Variants in SERGEF observed in about 807,000 individuals in gnomAD.
SERGEF encodes secretion-regulating guanine nucleotide exchange factor.
Under a neutral mutation model 50.0 loss-of-function variants are expected in SERGEF, and 51 were observed. The observed-to-expected ratio is 1.02, with a 90% CI of 0.81 to 1.29. The LOEUF (loss-of-function observed/expected upper bound fraction) is 1.29. Ranked by LOEUF, SERGEF falls within the 50% of genes most tolerant of loss-of-function variation. The pLI, the probability that SERGEF is intolerant of heterozygous loss-of-function variation, is 0.00. For missense variants in SERGEF, 521 were observed against 557.0 expected, an observed-to-expected ratio of 0.94 and a Z score of 0.65; for synonymous variants, 205 against 212.4, an observed-to-expected ratio of 0.97 and a Z score of 0.30.
intron 10 of SERGEF, among the ~76,000 whole-genome samples, chr11:17,874,674 C>T (rs1565191873): frequency 2.6e-5 from 4 of 152,288 alleles, no homozygotes; most frequent in Admixed American, 2.6e-4. Context: ...GGGCCTGAGT[C>T]CCTGTCTGGG....
intron 9 of SERGEF, among the ~76,000 whole-genome samples, chr11:17,937,023 G>A (rs1221932885): frequency 1.3e-5 from 2 of 151,836 alleles, no homozygotes; most frequent in African/African-American, 2.4e-5. Flanking sequence ...AAAAACCTGG[G>A]AACAACCTAA....
chr11:17,989,240 G>A lies in SERGEF; in HGVS notation c.686-485C>T, dbSNP rs1293389915. Among the ~76,000 whole-genome samples, 7 of 152,096 alleles carry A rather than the reference G, an allele frequency of 4.6e-5. No homozygotes were observed. In the East Asian group the frequency reaches 1.2e-3, roughly 25 times the overall value. ...GCAGAAAATATAATGCTATAGAATC[G>A]CATCTGGATAGCACTTCAGTTTGTT... On this transcript the variant is annotated intron_variant, in intron 7 of 10. Coordinates refer to ENST00000265965, the MANE Select transcript of SERGEF (RefSeq NM_012139.4).
intron 9 of SERGEF, among the ~76,000 whole-genome samples, chr11:17,945,727 A>G (rs1852645705): frequency 6.6e-6 from 1 of 152,162 alleles, no homozygotes; most frequent in South Asian, 2.1e-4. Flanking sequence ...CAGGCGGATT[A>G]CCTGGGGTCA....
At chr11:17,989,122 AT>A (rs1324475589) in intron 7 of SERGEF, among the ~76,000 whole-genome samples, 1 of 152,214 alleles carries the variant, frequency 6.6e-6, no homozygotes, top group African/African-American at 2.4e-5. Flanking sequence ...TATGAAAAAA[AT>A]GCTTTAAATT....
At chr11:17,975,214 C>G (rs1853344593) in intron 8 of SERGEF, among the ~76,000 whole-genome samples, 1 of 152,206 alleles carries the variant, frequency 6.6e-6, no homozygotes, top group South Asian at 2.1e-4. Context: ...GAGCCCATGT[C>G]TCTTTATGTC....
At chr11:17,794,154 C>G (rs1565168911) in intron 10 of SERGEF, among the ~76,000 whole-genome samples, 1 of 152,208 alleles carries the variant, frequency 6.6e-6, no homozygotes, top group Non-Finnish European at 1.5e-5. Context: ...AGACATTTCC[C>G]AACCTTTCTT....
chr11:17,961,951 C>T (rs969078184), intron 8 of SERGEF, among the ~76,000 whole-genome samples: 1 of 152,178 alleles, frequency 6.6e-6, no homozygotes, highest in Non-Finnish European at 1.5e-5. Context: ...GACGCTGGCT[C>T]AATCCTCACA....
rs987419343 is a variant in SERGEF at position 17,796,679 on chromosome 11, T to C, written c.1049-8266A>G. On this transcript the variant is annotated intron_variant, in intron 10 of 10. Transcript: ENST00000265965. Reference sequence around the variant, plus strand: ...TTACCCAGTCTGTGGTATTCTGTTATAGCAGCAAAACATGGACTAAAACAG... The same window carrying C: ...TTACCCAGTCTGTGGTATTCTGTTACAGCAGCAAAACATGGACTAAAACAG... Among the ~76,000 whole-genome samples, 3 of 152,192 alleles carry C rather than the reference T, an allele frequency of 2.0e-5. No individual in the cohort carries two copies. In the South Asian group the frequency reaches 6.2e-4, roughly 32 times the overall value.
intron 9 of SERGEF, among the ~76,000 whole-genome samples, chr11:17,948,234 G>A (rs1292900727): frequency 1.3e-5 from 2 of 152,148 alleles, no homozygotes; most frequent in African/African-American, 2.4e-5. Context: ...TAAACAAAAC[G>A]TACATTTGTT....
rs377173291 is a variant in SERGEF, at chr11:17,788,286, C to A, written c.1176G>T (p.Gly392=). The A allele has an allele frequency of 5.0e-5, 80 of 1,614,088 alleles. No individual in the cohort carries two copies. Among genetic ancestry groups the A allele is most frequent in the Non-Finnish European group, 5.8e-5 (69 of 1,180,044 alleles). ...LSSSGLLVGC[G]AGHSLALCQL... ...GGCAGAGGGCCAAGGAGTGGCCAGC[C>A]CCACAGCCCACAAGGAGTCCTGACG... The change falls in exon 11 of 11, where the codon GGG becomes GGT. Residue 392 remains glycine, a synonymous_variant. Coordinates refer to ENST00000265965, the MANE Select transcript of SERGEF (RefSeq NM_012139.4).
intron 8 of SERGEF, among the ~76,000 whole-genome samples, chr11:17,965,922 G>C (rs1853112034): frequency 6.6e-6 from 1 of 152,176 alleles, no homozygotes; most frequent in Non-Finnish European, 1.5e-5. Flanking sequence ...TTGCTGCAAG[G>C]ATACTTTTCC....
At chr11:17,918,655 C>CACACAT in intron 9 of SERGEF, 1 of 413,362 alleles carries the variant, frequency 2.4e-6, no homozygotes, top group East Asian at 8.9e-5. Flanking sequence ...CACACACATA[C>CACACAT]ACACACACTC....
chr11:17,875,399 A>T (rs1419688012), intron 10 of SERGEF, among the ~76,000 whole-genome samples: 2 of 152,236 alleles, frequency 1.3e-5, no homozygotes, highest in Non-Finnish European at 2.9e-5. Flanking sequence ...ATCACCTGGG[A>T]TTAGTTTAAA....
intron 10 of SERGEF, chr11:17,856,321 A>G (rs1486444632): frequency 6.6e-6 from 1 of 152,328 alleles, no homozygotes; most frequent in African/African-American, 2.4e-5. Flanking sequence ...CCTCTCTTAT[A>G]TTGATTCCCA....
intron 8 of SERGEF, among the ~76,000 whole-genome samples, chr11:17,969,354 C>G (rs917484035): frequency 1.3e-5 from 2 of 152,158 alleles, no homozygotes; most frequent in Non-Finnish European, 2.9e-5. Flanking sequence ...GTTTTAGATT[C>G]TTATTAATAA....
chr11:17,989,772 GTAAGTGAAATGCTACTC>G (rs1270005474), intron 7 of SERGEF, among the ~76,000 whole-genome samples: 5 of 152,172 alleles, frequency 3.3e-5, no homozygotes, highest in South Asian at 4.1e-4. Context: ...GAGATACATT[GTAAGTGAAATGCTACTC>G]TCTCACACAA....
chr11:17,819,283 T>C (rs1850032822), intron 10 of SERGEF, among the ~76,000 whole-genome samples: 1 of 152,220 alleles, frequency 6.6e-6, no homozygotes, highest in Non-Finnish European at 1.5e-5. Flanking sequence ...AAAACAATGG[T>C]GCATGTAGGT....
intron 10 of SERGEF, among the ~76,000 whole-genome samples, chr11:17,845,601 T>C (rs971466285): frequency 2.0e-5 from 3 of 152,232 alleles, no homozygotes; most frequent in African/African-American, 7.2e-5. Context: ...AGAAATTGAA[T>C]TAGCTTGTGT....
At chr11:17,940,945 A>G (rs916897364) in intron 9 of SERGEF, among the ~76,000 whole-genome samples, 5 of 152,242 alleles carry the variant, frequency 3.3e-5, no homozygotes, top group Non-Finnish European at 4.4e-5. Context: ...TTCTCCACCA[A>G]TATTTATTAT....
Sources: allele counts gnomAD v4.1 joint callset (sites outside exome capture counted in the v4.1 genomes callset), GRCh38; gene constraint gnomAD v4.1.1; transcripts MANE v1.5; gene names NCBI Gene and HGNC (gene_info 2026-07-23, HGNC 2026-07-21).